APBB2: variants seen among roughly 807,000 people sequenced by gnomAD.
APBB2 encodes Fe65-like 1.
In APBB2, 38 loss-of-function variants were observed where a neutral mutation model predicts 82.5. The observed-to-expected ratio is 0.46, with a 90% CI of 0.36 to 0.60. The LOEUF is 0.60. APBB2 is among the 20% of genes least tolerant of loss of function. APBB2 has a pLI of 0.00. For missense variants in APBB2, 772 were observed against 972.3 expected, an observed-to-expected ratio of 0.79 and a Z score of 2.74; for synonymous variants, 341 against 368.2, an observed-to-expected ratio of 0.93 and a Z score of 0.85.
intron 12 of APBB2, among the ~76,000 whole-genome samples, chr4:40,854,524 C>A (rs1040204667): frequency 3.3e-5 from 5 of 152,102 alleles, no homozygotes; most frequent in African/African-American, 1.2e-4. Flanking sequence ...CGGTGGCTCA[C>A]GCCTGTAATC....
At chr4:40,833,364 G>A (rs1752724928) in intron 12 of APBB2, among the ~76,000 whole-genome samples, 1 of 152,174 alleles carries the variant, frequency 6.6e-6, no homozygotes, top group African/African-American at 2.4e-5. Flanking sequence ...CAGAAGAGGT[G>A]GGTCTTGGTG....
At chr4:41,033,584 T>TCACACA (rs71915197) in intron 4 of APBB2, among the ~76,000 whole-genome samples, 17,994 of 130,636 alleles carry the variant, frequency 0.14, 1,328 homozygotes, top group Non-Finnish European at 0.15. Flanking sequence ...CTTTTTCTCA[T>TCACACA]CACACACACA....
chr4:40,822,329 G>T, intron 16 of APBB2: 1 of 367,464 alleles, frequency 2.7e-6, no homozygotes, highest in Non-Finnish European at 5.0e-6. Context: ...AGTTCACTGT[G>T]GGGAGGGACA....
At chr4:41,074,463 G>T (rs1178684840) in intron 3 of APBB2, among the ~76,000 whole-genome samples, 1 of 152,056 alleles carries the variant, frequency 6.6e-6, no homozygotes, top group African/African-American at 2.4e-5. Context: ...CTTTATCATA[G>T]TGACAACAGG....
chr4:40,965,183 A>G (rs1221693655), intron 6 of APBB2, among the ~76,000 whole-genome samples: 1 of 145,296 alleles, frequency 6.9e-6, no homozygotes, highest in Non-Finnish European at 1.5e-5. Context: ...CTAGGTAAGG[A>G]AATAACAGCA....
chr4:41,123,238 T>A (rs28626107), intron 2 of APBB2, among the ~76,000 whole-genome samples: 2 of 151,572 alleles, frequency 1.3e-5, no homozygotes, highest in African/African-American at 2.4e-5. Context: ...TCATCGTCAC[T>A]GGCTGAACAG....
At chr4:41,211,201 G>A (rs970392467) in intron 1 of APBB2, among the ~76,000 whole-genome samples, 1 of 151,968 alleles carries the variant, frequency 6.6e-6, no homozygotes, top group African/African-American at 2.4e-5. Flanking sequence ...GTTACAGTGA[G>A]CCAAGATCGC....
At chr4:40,987,544 GCTAA>G (rs1253732204) in intron 6 of APBB2, among the ~76,000 whole-genome samples, 1 of 151,960 alleles carries the variant, frequency 6.6e-6, no homozygotes, top group Non-Finnish European at 1.5e-5. Context: ...CAATCCAATG[GCTAA>G]CTCTTTGAAA....
chr4:41,079,864 T>A (rs1005537869), intron 3 of APBB2, among the ~76,000 whole-genome samples: 1 of 152,070 alleles, frequency 6.6e-6, no homozygotes, highest in African/African-American at 2.4e-5. Context: ...CTATTCTTTA[T>A]ATTAGTTTCT....
At chr4:40,968,340 C>T (rs1174791666) in intron 6 of APBB2, among the ~76,000 whole-genome samples, 3 of 152,134 alleles carry the variant, frequency 2.0e-5, no homozygotes, top group African/African-American at 7.2e-5. Context: ...GATGCATGCT[C>T]TGCTTGCTAA....
intron 6 of APBB2, among the ~76,000 whole-genome samples, chr4:40,948,754 C>T (rs1266857878): frequency 7.9e-6 from 1 of 126,006 alleles, no homozygotes; most frequent in Non-Finnish European, 1.6e-5. Context: ...AGTGAGACTC[C>T]CATCTTAAAA....
At chr4:41,078,974 C>T (rs28670430) in intron 3 of APBB2, among the ~76,000 whole-genome samples, 186 of 152,244 alleles carry the variant, frequency 1.2e-3, no homozygotes, top group African/African-American at 4.2e-3. Context: ...CGTGGTCAAC[C>T]CTGAATCTAG....
At chr4:41,128,879 G>A (rs185229924) in intron 2 of APBB2, among the ~76,000 whole-genome samples, 1 of 152,216 alleles carries the variant, frequency 6.6e-6, no homozygotes, top group Non-Finnish European at 1.5e-5. Context: ...CATCCCTCCT[G>A]AGATCTCTGA....
At chr4:40,926,468 T>TA (rs1782629345) in intron 10 of APBB2, among the ~76,000 whole-genome samples, 1 of 152,012 alleles carries the variant, frequency 6.6e-6, no homozygotes, top group Non-Finnish European at 1.5e-5. Flanking sequence ...TTTTTTGAGA[T>TA]GGAGTCTTGC....
Position 40,935,063 on chromosome 4 carries a change from G to T in APBB2, c.1107+14C>A. On this transcript the variant is annotated intron_variant, in intron 8 of 17. Transcript: ENST00000508593. ...TAAAATATTAAATGATCTAAGATCT[G>T]ACAATATACTTGCCTTCCAAATGTC... The T allele has an allele frequency of 2.6e-6, 4 of 1,520,380 alleles. No individual in the cohort carries two copies. Among genetic ancestry groups the T allele is most frequent in the Non-Finnish European group, 3.5e-6 (4 of 1,133,260 alleles). The allele number at this position is 1,520,380 out of a possible 1,614,324, so 94.2% of individuals were successfully genotyped here.
chr4:40,879,084 A>G (rs1767663310), intron 12 of APBB2, among the ~76,000 whole-genome samples: 1 of 152,038 alleles, frequency 6.6e-6, no homozygotes, highest in Non-Finnish European at 1.5e-5. Flanking sequence ...AAGTTATAAC[A>G]AAGAAACATG....
chr4:40,864,923 A>G (rs911676561), intron 12 of APBB2, among the ~76,000 whole-genome samples: 1 of 147,078 alleles, frequency 6.8e-6, no homozygotes, highest in African/African-American at 2.5e-5. Flanking sequence ...TAGTAGTGCA[A>G]TCTTGGTTCA....
intron 4 of APBB2, among the ~76,000 whole-genome samples, chr4:41,064,912 T>A (rs1731183183): frequency 6.6e-6 from 1 of 152,232 alleles, no homozygotes; most frequent in Non-Finnish European, 1.5e-5. Context: ...CGTTTTTAAT[T>A]TATGGCATTA....
At position 41,052,203 on chromosome 4, in the gene APBB2, A is replaced by G. The variant is rs527800794; in HGVS notation, c.-51+13373T>C. Among the ~76,000 whole-genome samples the G allele has an allele frequency of 4.7e-4, 52 of 110,886 alleles. No individual in the cohort carries two copies. The East Asian group carries it at 0.012, about 25-fold the overall frequency. The allele number at this position is 110,886 out of a possible 152,430, so 72.7% of individuals were successfully genotyped here. ...GGCAACATAGCAAGACCTTGTCTGT[A>G]CAAAAATACATACATACATACATAC... On this transcript the variant is annotated intron_variant, in intron 4 of 17. Transcript: ENST00000508593.
Sources: allele counts gnomAD v4.1 joint callset (sites outside exome capture counted in the v4.1 genomes callset), GRCh38; gene constraint gnomAD v4.1.1; transcripts MANE v1.5; gene names NCBI Gene and HGNC (gene_info 2026-07-23, HGNC 2026-07-21).